Variants in EPB41L3 observed in about 807,000 individuals in gnomAD.
EPB41L3 encodes band 4.1-like protein 3.
A neutral mutation model predicts 127.1 loss-of-function variants in EPB41L3; 57 were observed. The observed-to-expected ratio is 0.45, with a 90% CI of 0.36 to 0.56. The LOEUF is 0.56. Ranked by LOEUF, EPB41L3 falls within the 20% of genes least tolerant of loss-of-function variation. The pLI, the probability that EPB41L3 is intolerant of heterozygous loss-of-function variation, is 0.00. For synonymous variants in EPB41L3, 572 were observed against 549.5 expected, an observed-to-expected ratio of 1.04 and a Z score of -0.57; for missense variants, 1,273 against 1,372.2, an observed-to-expected ratio of 0.93 and a Z score of 1.14.
At chr18:5,412,591 C>T (rs1420888259) in intron 13 of EPB41L3, among the ~76,000 whole-genome samples, 5 of 152,078 alleles carry the variant, frequency 3.3e-5, no homozygotes, top group Non-Finnish European at 7.4e-5. Context: ...TTTGAAAGTG[C>T]TTCTCCTCCT....
intron 3 of EPB41L3, among the ~76,000 whole-genome samples, chr18:5,555,852 T>C (rs1568567439): frequency 6.6e-6 from 1 of 152,172 alleles, no homozygotes; most frequent in Non-Finnish European, 1.5e-5. Context: ...ATGCTGTAAG[T>C]GTTCCCTTCC....
rs191870358 is a variant in EPB41L3 at position 5,519,021 on chromosome 18, G to T, written c.-12+24892C>A. ...CTCGGCAAAGACGTCATCTCAGATC[G>T]TGTGTCAAGTGACATCCCAGGGTGA... On this transcript the variant is annotated intron_variant, in intron 1 of 22. Transcript: ENST00000341928. 2.0e-4 allele frequency among the ~76,000 whole-genome samples: 31 copies of T among 152,308 alleles called. 1 individual carries two copies. The highest frequency in any genetic ancestry group is 7.0e-4 in the African/African-American group (29 of 41,556).
At chr18:5,523,502 A>T (rs1447644352) in intron 1 of EPB41L3, among the ~76,000 whole-genome samples, 3 of 152,250 alleles carry the variant, frequency 2.0e-5, no homozygotes, top group Non-Finnish European at 2.9e-5. Context: ...AACTTAAAAA[A>T]TTTTAATATC....
At chr18:5,487,108 A>G (rs1252370774) in intron 2 of EPB41L3, among the ~76,000 whole-genome samples, 5 of 152,338 alleles carry the variant, frequency 3.3e-5, no homozygotes, top group Admixed American at 2.6e-4. Flanking sequence ...GAATTTTTAG[A>G]AAGTGGTATA....
intron 1 of EPB41L3, among the ~76,000 whole-genome samples, chr18:5,500,672 C>A (rs2091662122): frequency 6.6e-6 from 1 of 152,148 alleles, no homozygotes; most frequent in African/African-American, 2.4e-5. Context: ...ATGACCTGGG[C>A]ACAAATAATC....
chr18:5,529,881 G>T (rs922664473), intron 1 of EPB41L3, among the ~76,000 whole-genome samples: 6 of 151,578 alleles, frequency 4.0e-5, no homozygotes, highest in Non-Finnish European at 1.5e-5. Flanking sequence ...GGAACTTCAG[G>T]ACAAACTCCT....
At chr18:5,404,867 G>A (rs2075097988) in intron 16 of EPB41L3, among the ~76,000 whole-genome samples, 1 of 152,144 alleles carries the variant, frequency 6.6e-6, no homozygotes, top group Non-Finnish European at 1.5e-5. Context: ...GTAGAAATAG[G>A]ATAAGCCAAA....
At chr18:5,575,355 T>C (rs940131) in intron 3 of EPB41L3, among the ~76,000 whole-genome samples, 56,793 of 151,934 alleles carry the variant, frequency 0.37, 11,662 homozygotes, top group Non-Finnish European at 0.46. Flanking sequence ...GGATCCCTCA[T>C]GAATGGCTTG....
intron 13 of EPB41L3, among the ~76,000 whole-genome samples, 182 bp from the exon 14 acceptor site, chr18:5,410,801 G>T (rs1221607700): frequency 3.9e-5 from 6 of 152,246 alleles, no homozygotes. Flanking sequence ...GCCAGAGCTA[G>T]GTGTCATCAA....
intron 3 of EPB41L3, among the ~76,000 whole-genome samples, chr18:5,606,168 T>G (rs780430933): frequency 6.6e-5 from 10 of 152,190 alleles, no homozygotes; most frequent in Non-Finnish European, 1.0e-4. Flanking sequence ...CAATGACCTT[T>G]CCATGCAACA....
chr18:5,504,404 C>A (rs1247968624), intron 1 of EPB41L3, among the ~76,000 whole-genome samples: 1 of 152,104 alleles, frequency 6.6e-6, no homozygotes, highest in African/African-American at 2.4e-5. Flanking sequence ...CTCATAATAT[C>A]TTCACTGTAT....
chr18:5,543,122 C>T lies in EPB41L3; in HGVS notation c.-12+791G>A, dbSNP rs1433460681. ...GCCGACCCAGGCGCCCCCGGCCCGC[C>T]CGTGCTCCCGCGCCCGGGTGCCAGA... is the stretch of plus-strand genomic sequence containing the variant. On this transcript the variant is annotated intron_variant, in intron 1 of 22. Transcript: ENST00000341928. This position sits in a 1 kb window ranked among gnomAD's most constrained non-coding sequence, Gnocchi z 5.2. 1.3e-5 allele frequency among the ~76,000 whole-genome samples: 2 copies of T among 151,372 alleles called. No individual in the cohort carries two copies. The highest frequency in any genetic ancestry group is 2.0e-4 in the East Asian group (1 of 5,122).
intron 2 of EPB41L3, 85 bp from the exon 3 acceptor site, chr18:5,478,523 T>C: frequency 8.0e-7 from 1 of 1,247,110 alleles, no homozygotes; most frequent in Non-Finnish European, 1.2e-6. Flanking sequence ...AAAACTGCTT[T>C]CTATTTCATA....
intron 3 of EPB41L3, among the ~76,000 whole-genome samples, chr18:5,572,114 A>G (rs1308441856): frequency 6.6e-6 from 1 of 152,200 alleles, no homozygotes; most frequent in East Asian, 1.9e-4. Context: ...TACATGTGAA[A>G]AGGATGCTAT....
intron 6 of EPB41L3, among the ~76,000 whole-genome samples, chr18:5,435,288 T>TA (rs1397417140): frequency 6.6e-6 from 1 of 152,192 alleles, no homozygotes; most frequent in Non-Finnish European, 1.5e-5. Flanking sequence ...ATACAGTGTT[T>TA]ATAAAGCCCA....
rs61735458 is a variant in EPB41L3 at position 5,489,077 on chromosome 18, G to A, written c.107C>T (p.Pro36Leu). Residue 36 changes from proline to leucine, a missense_variant, in exon 2 of 23, where the codon CCG (proline) becomes CTG (leucine). Pro to Leu is a moderately conservative substitution (Grantham distance 98). Transcript: ENST00000341928. The part of the protein sequence containing the change: ...QGRAGAPVPE[P>L]PKEEQQQALE... ...GGCCTGCTGCTGCTCCTCCTTGGGC[G>A]GCTCCGGCACGGGCGCCCCCGCGCG... is the stretch of plus-strand genomic sequence containing the variant. 6.3e-7 allele frequency: 1 copy of A among 1,594,080 alleles called. No individual in the cohort carries two copies. Among genetic ancestry groups the A allele is most frequent in the Non-Finnish European group, 8.5e-7 (1 of 1,174,654 alleles).
intron 3 of EPB41L3, among the ~76,000 whole-genome samples, chr18:5,561,536 G>A (rs375490268): frequency 6.6e-6 from 1 of 152,194 alleles, no homozygotes; most frequent in African/African-American, 2.4e-5. Flanking sequence ...AAAATAAAAG[G>A]AGGAAAAGAA....
At chr18:5,474,907 C>T (rs973350488) in intron 3 of EPB41L3, among the ~76,000 whole-genome samples, 1 of 152,164 alleles carries the variant, frequency 6.6e-6, no homozygotes, top group Non-Finnish European at 1.5e-5. Flanking sequence ...CCAGGCAGTG[C>T]GTACATCATC....
At chr18:5,438,159 A>G in intron 5 of EPB41L3, 49 bp from the exon 6 acceptor site, 2 of 1,564,492 alleles carry the variant, frequency 1.3e-6, no homozygotes, top group Non-Finnish European at 1.7e-6. Context: ...AATTCTTATG[A>G]CTCTAATCGA....
Sources: gnomAD v4.1 joint callset for allele counts (sites outside exome capture counted in the v4.1 genomes callset) on GRCh38, gnomAD v4.1.1 for gene constraint, Gnocchi (gnomAD v3.1) non-coding constraint, MANE v1.5 for transcripts, NCBI Gene and HGNC (gene_info 2026-07-23, HGNC 2026-07-21) for gene names.